MAD1L1: variants seen among roughly 807,000 people sequenced by gnomAD.
MAD1L1 encodes mitotic spindle assembly checkpoint protein MAD1.
Under a neutral mutation model 96.9 loss-of-function variants are expected in MAD1L1, and 95 were observed. That is an observed-to-expected ratio of 0.98 (90% CI 0.83 to 1.16). MAD1L1 has a LOEUF of 1.16. MAD1L1 is among the 50% of genes most tolerant of loss of function. The probability of loss-of-function intolerance (pLI) is 0.00; values close to 1 mark genes in which losing one functional copy is unlikely to be tolerated. For synonymous variants in MAD1L1, 473 were observed against 396.6 expected, an observed-to-expected ratio of 1.19 and a Z score of -2.29; for missense variants, 1,007 against 954.4, an observed-to-expected ratio of 1.06 and a Z score of -0.73.
At chr7:1,893,252 CGGCTGGG>C (rs1786658423) in intron 18 of MAD1L1, among the ~76,000 whole-genome samples, 2 of 115,070 alleles carry the variant, frequency 1.7e-5, no homozygotes, top group African/African-American at 2.5e-5. Context: ...GGTTTGGTCC[CGGCTGGG>C]ATGGGAAGTC....
intron 11 of MAD1L1, among the ~76,000 whole-genome samples, chr7:2,140,528 C>G (rs1788978500): frequency 6.6e-6 from 1 of 152,248 alleles, no homozygotes; most frequent in South Asian, 2.1e-4. Flanking sequence ...CCAGGCATCC[C>G]TGGCTTAGCC....
At chr7:2,047,665 T>C (rs1000349295) in intron 12 of MAD1L1, among the ~76,000 whole-genome samples, 3 of 152,234 alleles carry the variant, frequency 2.0e-5, no homozygotes, top group Non-Finnish European at 2.9e-5. Flanking sequence ...TAAGCACAGA[T>C]GCACACACAT....
At chr7:2,099,656 T>C (rs545657772) in intron 11 of MAD1L1, among the ~76,000 whole-genome samples, 1 of 152,232 alleles carries the variant, frequency 6.6e-6, no homozygotes, top group African/African-American at 2.4e-5. Flanking sequence ...GGAGATTCAT[T>C]TCTCTTCTCT....
intron 2 of MAD1L1, 98 bp from the exon 3 acceptor site, chr7:2,230,241 G>A (rs1423793934): frequency 4.7e-6 from 4 of 855,132 alleles, no homozygotes; most frequent in South Asian, 3.4e-5. Flanking sequence ...CTCCCCTAAC[G>A]CACATTGGAG....
rs915727483 is a variant in MAD1L1, at chr7:1,838,822, G to A, written c.1999-22594C>T. 1.7e-5 allele frequency: 8 copies of A among 471,416 alleles called. No homozygotes were observed. The East Asian group carries it at 2.8e-4, about 16-fold the overall frequency. The allele number at this position is 471,416 out of a possible 1,614,324, so 29.2% of individuals were successfully genotyped here. A position where few individuals can be genotyped will look rare whatever the true frequency, so the allele number is the denominator to read the frequency against. On this transcript the variant is annotated intron_variant, in intron 18 of 18. Transcript: ENST00000265854. ...CCCAGCCACTGACCACGGGGTGAAC[G>A]TCCTGCCATCCACAGTCCCTGGCCG...
chr7:1,965,844 C>T (rs1003948175), intron 15 of MAD1L1, among the ~76,000 whole-genome samples: 1 of 152,262 alleles, frequency 6.6e-6, no homozygotes, highest in Admixed American at 6.5e-5. Flanking sequence ...GTGCAACAGA[C>T]GGTGCGAAGA....
chr7:1,927,454 T>C (rs1583812638), intron 17 of MAD1L1, among the ~76,000 whole-genome samples: 1 of 152,194 alleles, frequency 6.6e-6, no homozygotes, highest in African/African-American at 2.4e-5. Context: ...CAGTAATCAA[T>C]ACCGTGGGGT....
chr7:1,921,817 T>C (rs776629754), intron 17 of MAD1L1, among the ~76,000 whole-genome samples: 11 of 152,236 alleles, frequency 7.2e-5, no homozygotes, highest in Non-Finnish European at 1.3e-4. Context: ...GGCAATTGTT[T>C]AGTGATCTGG....
At chr7:1,891,778 G>A (rs571097571) in intron 18 of MAD1L1, among the ~76,000 whole-genome samples, 2 of 152,252 alleles carry the variant, frequency 1.3e-5, no homozygotes, top group South Asian at 4.1e-4. Flanking sequence ...ACAGGGTCTT[G>A]CTATGTTGCC....
intron 12 of MAD1L1, among the ~76,000 whole-genome samples, chr7:2,056,141 TGAC>T (rs1784379730): frequency 6.6e-6 from 1 of 152,204 alleles, no homozygotes; most frequent in Admixed American, 6.5e-5. Flanking sequence ...GGGAACATGA[TGAC>T]TGTCTGACAC....
At chr7:1,982,017 C>T (rs941065606) in intron 14 of MAD1L1, among the ~76,000 whole-genome samples, 6 of 152,088 alleles carry the variant, frequency 3.9e-5, no homozygotes, top group Non-Finnish European at 8.8e-5. Context: ...CCCAGGCCCC[C>T]GACTCTCAGC....
At chr7:1,937,677 A>C (rs1487394817) in intron 16 of MAD1L1, among the ~76,000 whole-genome samples, 1 of 143,934 alleles carries the variant, frequency 6.9e-6, no homozygotes, top group Non-Finnish European at 1.5e-5. Flanking sequence ...ACCTCACGCC[A>C]CACACAAACA....
In MAD1L1 at chr7:2,087,164, T is replaced by C. The variant is rs555070208; in HGVS notation, c.1074-17826A>G. Among the ~76,000 whole-genome samples the C allele has an allele frequency of 3.9e-5, 6 of 152,256 alleles. No individual in the cohort carries two copies. The East Asian group carries it at 1.2e-3, about 29-fold the overall frequency. ...CTCTTAGGGTGATGGAACTGAATCATGGCTGTGGTGGGGGATGCTCAGTGC... is the reference window on the plus strand; with the variant it reads ...CTCTTAGGGTGATGGAACTGAATCACGGCTGTGGTGGGGGATGCTCAGTGC... On this transcript the variant is annotated intron_variant, in intron 11 of 18. Transcript: ENST00000265854.
In MAD1L1 at chr7:2,146,430, A is replaced by T. The variant is rs112499607; in HGVS notation, c.1073+2722T>A. Among the ~76,000 whole-genome samples the T allele has an allele frequency of 0.015, 2,292 of 151,710 alleles. 69 individuals are homozygous for T. The highest frequency in any genetic ancestry group is 0.053 in the African/African-American group (2,169 of 41,000). The stretch of plus-strand genomic sequence containing the variant: ...TGGGCTACGAGGAACAGGGCAGTGG[A>T]GCCGCACCCTGAGAAGCTCCTCAGA... On this transcript the variant is annotated intron_variant, in intron 11 of 18. Coordinates refer to ENST00000265854, the MANE Select transcript of MAD1L1 (RefSeq NM_001013836.2). The surrounding 1 kb of genome is among the most constrained non-coding windows in gnomAD (Gnocchi z 6.2).
chr7:2,232,715 G>C (rs1005599669), intron 1 of MAD1L1, among the ~76,000 whole-genome samples, 157 bp downstream of exon 1: 1 of 152,142 alleles, frequency 6.6e-6, no homozygotes, highest in Non-Finnish European at 1.5e-5. Context: ...GCGCCCATGG[G>C]AGACGGGGCG....
At chr7:1,902,943 T>C (rs1466024043) in intron 17 of MAD1L1, among the ~76,000 whole-genome samples, 2 of 141,380 alleles carry the variant, frequency 1.4e-5, no homozygotes, top group African/African-American at 5.4e-5. Flanking sequence ...TCATGATTGA[T>C]GAAGCACTGT....
intron 16 of MAD1L1, among the ~76,000 whole-genome samples, chr7:1,943,156 C>T (rs1024875184): frequency 1.3e-5 from 2 of 152,200 alleles, no homozygotes; most frequent in Admixed American, 1.3e-4. Context: ...CAAAGCCCAA[C>T]CGTAAAACCT....
intron 12 of MAD1L1, among the ~76,000 whole-genome samples, chr7:2,033,809 T>C (rs920578618): frequency 2.0e-5 from 3 of 152,206 alleles, no homozygotes; most frequent in Non-Finnish European, 2.9e-5. Flanking sequence ...TCAGTAACAA[T>C]TGCCTAAAAA....
At chr7:1,929,708 A>ATGT (rs1789319678) in intron 17 of MAD1L1, among the ~76,000 whole-genome samples, 5 of 149,258 alleles carry the variant, frequency 3.3e-5, no homozygotes, top group East Asian at 2.0e-4. Context: ...CCCCGCTGCC[A>ATGT]CGTCCCCTCG....
Sources: allele counts gnomAD v4.1 joint callset (sites outside exome capture counted in the v4.1 genomes callset), GRCh38; gene constraint gnomAD v4.1.1; non-coding constraint Gnocchi (gnomAD v3.1); transcripts MANE v1.5; gene names NCBI Gene and HGNC (gene_info 2026-07-23, HGNC 2026-07-21).